MYO16: variants seen among roughly 807,000 people sequenced by gnomAD.
MYO16 encodes myosin XVI.
A neutral mutation model predicts 205.3 loss-of-function variants in MYO16; 94 were observed. The observed-to-expected ratio is 0.46, with a 90% CI of 0.39 to 0.54. The LOEUF is 0.54. Among genes scored for constraint, MYO16 ranks in the 20% least tolerant of loss-of-function variants. MYO16 has a pLI of 0.00. For synonymous variants in MYO16, 988 were observed against 954.0 expected (o/e 1.04, Z -0.66); for missense variants, 2,315 against 2,387.5 (o/e 0.97, Z 0.63).
At chr13:108,866,713 T>C (rs1437735203) in intron 12 of MYO16, among the ~76,000 whole-genome samples, 1 of 152,206 alleles carries the variant, frequency 6.6e-6, no homozygotes, top group Non-Finnish European at 1.5e-5. Context: ...AAATTACTTG[T>C]AGAAAATTAT....
chr13:109,108,117 C>T (rs549977845), intron 28 of MYO16, among the ~76,000 whole-genome samples: 13 of 152,178 alleles, frequency 8.5e-5, no homozygotes, highest in Middle Eastern at 3.2e-3. Flanking sequence ...GTGTGTCTTT[C>T]TCTCTTTCCA....
At chr13:109,185,467 T>C (rs918145861) in intron 34 of MYO16, among the ~76,000 whole-genome samples, 7 of 152,200 alleles carry the variant, frequency 4.6e-5, no homozygotes, top group Admixed American at 3.9e-4. Flanking sequence ...AGGGTCAATA[T>C]TCTGAAAACC....
At chr13:108,768,743 TA>T (rs1180237115) in intron 4 of MYO16, among the ~76,000 whole-genome samples, 2 of 152,172 alleles carry the variant, frequency 1.3e-5, no homozygotes, top group Non-Finnish European at 2.9e-5. Flanking sequence ...AAAATGAAGT[TA>T]AATTATATTC....
At chr13:108,829,397 C>A (rs1485194384) in intron 9 of MYO16, among the ~76,000 whole-genome samples, 1 of 152,222 alleles carries the variant, frequency 6.6e-6, no homozygotes, top group Non-Finnish European at 1.5e-5. Context: ...GGCTTTGTAG[C>A]TGTAGGCTGA....
chr13:108,985,997 C>A (rs762252476), intron 20 of MYO16, among the ~76,000 whole-genome samples: 6 of 152,084 alleles, frequency 3.9e-5, no homozygotes, highest in Non-Finnish European at 8.8e-5. Flanking sequence ...CTAGGGAGGC[C>A]TCACAATCAT....
chr13:108,825,313 C>A (rs752780392), intron 9 of MYO16, among the ~76,000 whole-genome samples: 1 of 151,678 alleles, frequency 6.6e-6, no homozygotes, highest in East Asian at 1.9e-4. Flanking sequence ...TCAATATATG[C>A]AGAAAAAGCA....
At chr13:109,080,334 A>G (rs1277981565) in intron 27 of MYO16, among the ~76,000 whole-genome samples, 1 of 152,198 alleles carries the variant, frequency 6.6e-6, no homozygotes, top group African/African-American at 2.4e-5. Context: ...CTGGTATTTC[A>G]TAAAATGATG....
chr13:108,925,460 A>G (rs955290626), intron 16 of MYO16, among the ~76,000 whole-genome samples: 2 of 152,296 alleles, frequency 1.3e-5, no homozygotes, highest in South Asian at 2.1e-4. Flanking sequence ...TAAGTATAAT[A>G]TGATTTATAA....
intron 20 of MYO16, among the ~76,000 whole-genome samples, chr13:108,979,700 A>G (rs1475622137): frequency 6.6e-6 from 1 of 152,128 alleles, no homozygotes; most frequent in Non-Finnish European, 1.5e-5. Flanking sequence ...CATATGTATA[A>G]TGATTTCCTC....
chr13:109,168,731 T>A lies in MYO16; in HGVS notation c.5323+3672T>A, dbSNP rs539719309. On this transcript the variant is annotated intron_variant, in intron 33 of 34. Coordinates refer to ENST00000457511, the MANE Select transcript of MYO16 (RefSeq NM_001198950.3). ...CAGAGCCAGACTTTGTCTAAAAAAA[T>A]AAGATAAAATAAAATCTCTAAGTAA... Among the ~76,000 whole-genome samples the A allele has an allele frequency of 3.4e-4, 52 of 152,058 alleles. No homozygotes were observed. In the South Asian group the frequency reaches 6.2e-3, roughly 18 times the overall value.
Position 108,844,462 on chromosome 13 carries a change from C to T in MYO16, c.1217C>T (p.Pro406Leu). ...TCTCAGGACAGCATCCCTGAAAACC[C>T]CATGATGAGCGGTTCCACCAAACCC... ...QQSQDSIPEN[P>L]MMSGSTKPEQ... Residue 406 changes from proline (P) to leucine (L), a missense_variant, in exon 10 of 35, where the codon CCC (proline) becomes CTC (leucine). Physicochemically the swap from Pro to Leu is moderately conservative, Grantham distance 98 (BLOSUM62 -3). Around this residue, in one of 3 missense-constraint regions of MYO16, gnomAD observed 1,213 missense variants for 1,274.4 expected, o/e 0.95. Coordinates refer to ENST00000457511, the MANE Select transcript of MYO16 (RefSeq NM_001198950.3). 1.9e-6 allele frequency: 3 copies of T among 1,610,888 alleles called. No homozygotes were observed. Among genetic ancestry groups the T allele is most frequent in the East Asian group, 2.2e-5 (1 of 44,864 alleles).
intron 9 of MYO16, among the ~76,000 whole-genome samples, chr13:108,844,115 T>C (rs1336481307): frequency 6.6e-6 from 1 of 152,170 alleles, no homozygotes; most frequent in South Asian, 2.1e-4. Context: ...TCTTCTGGAG[T>C]TCAAATAAGT....
chr13:109,024,943 C>G (rs80113811), intron 23 of MYO16, among the ~76,000 whole-genome samples: 3 of 152,114 alleles, frequency 2.0e-5, no homozygotes, highest in Non-Finnish European at 4.4e-5. Context: ...TTTTATAAAT[C>G]AAGACACGTA....
chr13:108,814,313 C>CTTAACTAAT (rs1463337961), intron 7 of MYO16, among the ~76,000 whole-genome samples: 1 of 152,094 alleles, frequency 6.6e-6, no homozygotes, highest in Non-Finnish European at 1.5e-5. Context: ...CAAAGGCAAT[C>CTTAACTAAT]TTAACTAATT....
chr13:108,611,909 G>T (rs1175120394), intron 1 of MYO16, among the ~76,000 whole-genome samples: 2 of 149,116 alleles, frequency 1.3e-5, no homozygotes, highest in African/African-American at 5.0e-5. Context: ...CAAAATGCTT[G>T]TGTTCCAGTT....
At chr13:108,612,734 AC>A (rs1206420699) in intron 1 of MYO16, among the ~76,000 whole-genome samples, 1 of 152,112 alleles carries the variant, frequency 6.6e-6, no homozygotes, top group East Asian at 1.9e-4. Context: ...ACTTTTGACA[AC>A]CCATTCCCAT....
At chr13:108,915,025 C>G (rs1366969856) in intron 16 of MYO16, among the ~76,000 whole-genome samples, 1 of 152,164 alleles carries the variant, frequency 6.6e-6, no homozygotes, top group Non-Finnish European at 1.5e-5. Context: ...TTGAAAGTAT[C>G]ACATGAAAAT....
In MYO16 at chr13:109,174,437, A is replaced by G. The variant is rs78714041; in HGVS notation, c.5324-5105A>G. On this transcript the variant is annotated intron_variant, in intron 33 of 34. Transcript: ENST00000457511. ...ATAAGAAAAGAAATATGACCACTAA[A>G]CCACTCAGAATGCCAAAGTTTGAGA... Among the ~76,000 whole-genome samples the G allele has an allele frequency of 3.8e-3, 572 of 152,232 alleles. 4 individuals carry two copies. The highest frequency in any genetic ancestry group is 0.013 in the African/African-American group (535 of 41,544).
At chr13:108,818,267 C>T (rs1486896676) in intron 7 of MYO16, among the ~76,000 whole-genome samples, 1 of 151,356 alleles carries the variant, frequency 6.6e-6, no homozygotes, top group Admixed American at 6.6e-5. Flanking sequence ...GCCGGCAATC[C>T]CAGCTACTCT....
Sources: allele counts gnomAD v4.1 joint callset (sites outside exome capture counted in the v4.1 genomes callset), GRCh38; gene constraint gnomAD v4.1.1; regional missense constraint gnomAD v4.1.1; transcripts MANE v1.5; gene names NCBI Gene and HGNC (gene_info 2026-07-23, HGNC 2026-07-21).